The following CAPN8 variants were observed in gnomAD, a reference collection of about 807,000 sequenced individuals.
The protein encoded by CAPN8 is calpain-8.
A neutral mutation model predicts 80.9 loss-of-function variants in CAPN8; 87 were observed. The ratio of observed to expected loss-of-function variants is 1.07; its 90% confidence interval spans 0.90 to 1.28. The LOEUF is 1.28. CAPN8 is among the 50% of genes most tolerant of loss of function. CAPN8 has a pLI of 0.00. For missense variants in CAPN8, 757 were observed against 702.0 expected (o/e 1.08, Z -0.89); for synonymous variants, 299 against 273.8 (o/e 1.09, Z -0.91).
At chr1:223,658,710 G>A (rs373351350) in intron 1 of CAPN8, among the ~76,000 whole-genome samples, 3 of 152,168 alleles carry the variant, frequency 2.0e-5, no homozygotes, top group African/African-American at 7.2e-5. Flanking sequence ...GGAGGCTGAG[G>A]CATAAGAATT....
At chr1:223,612,943 A>G (rs1382073784) in intron 10 of CAPN8, among the ~76,000 whole-genome samples, 14 of 152,176 alleles carry the variant, frequency 9.2e-5, no homozygotes, top group Non-Finnish European at 1.5e-5. Context: ...GAGCTGGTAC[A>G]CTATTTTCAC....
chr1:223,639,466 C>T (rs1000961046), intron 2 of CAPN8, among the ~76,000 whole-genome samples: 4 of 152,192 alleles, frequency 2.6e-5, no homozygotes, highest in Admixed American at 1.3e-4. Flanking sequence ...GGAAGCTACA[C>T]CACTGTAAGT....
At chr1:223,611,423 T>G (rs1657027626) in intron 11 of CAPN8, among the ~76,000 whole-genome samples, 2 of 152,206 alleles carry the variant, frequency 1.3e-5, no homozygotes, top group African/African-American at 4.8e-5. Flanking sequence ...TAGAAATTTC[T>G]GCATAATCTG....
intron 2 of CAPN8, among the ~76,000 whole-genome samples, chr1:223,650,927 G>C (rs776664684): frequency 1.8e-4 from 27 of 152,204 alleles, no homozygotes; most frequent in Non-Finnish European, 3.8e-4. Context: ...AAATGCAAGG[G>C]AGAGAGACTG....
chr1:223,625,909 A>G (rs1007078106), intron 5 of CAPN8, 21 bp from the exon 6 acceptor site: 1 of 1,544,640 alleles, frequency 6.5e-7, no homozygotes. Flanking sequence ...AAGAAAGTCC[A>G]CTCAGTGGCT....
intron 2 of CAPN8, among the ~76,000 whole-genome samples, chr1:223,632,686 A>C (rs1267807599): frequency 2.0e-5 from 3 of 152,120 alleles, no homozygotes; most frequent in African/African-American, 7.2e-5. Flanking sequence ...CAATTTTTTA[A>C]TTTTCAAAAG....
At chr1:223,643,681 G>A (rs1246644196) in intron 2 of CAPN8, among the ~76,000 whole-genome samples, 1 of 152,262 alleles carries the variant, frequency 6.6e-6, no homozygotes, top group Admixed American at 6.5e-5. Context: ...GAAGCCTGGA[G>A]CACATCTACA....
intron 1 of CAPN8, among the ~76,000 whole-genome samples, chr1:223,662,364 G>A (rs368222583): frequency 6.6e-6 from 1 of 151,974 alleles, no homozygotes; most frequent in African/African-American, 2.4e-5. Flanking sequence ...CAGGAGAATC[G>A]CTTGAACTGG....
chr1:223,553,163 G>A (rs1043006232), intron 14 of CAPN8, among the ~76,000 whole-genome samples: 21 of 151,976 alleles, frequency 1.4e-4, no homozygotes, highest in Admixed American at 1.3e-4. Context: ...TAACACATTC[G>A]CTGTATTTAT....
intron 9 of CAPN8, among the ~76,000 whole-genome samples, chr1:223,616,719 G>A (rs1482441284): frequency 4.6e-5 from 7 of 152,090 alleles, no homozygotes; most frequent in African/African-American, 1.2e-4. Flanking sequence ...CACAGCCTGC[G>A]GCACCCCTGA....
At chr1:223,648,008 A>C (rs1658236502) in intron 2 of CAPN8, among the ~76,000 whole-genome samples, 1 of 151,946 alleles carries the variant, frequency 6.6e-6, no homozygotes, top group African/African-American at 2.4e-5. Context: ...GGTTCATGGA[A>C]CTCTCCACGC....
chr1:223,552,182 G>T (rs1022902135), intron 14 of CAPN8, among the ~76,000 whole-genome samples: 2 of 152,178 alleles, frequency 1.3e-5, no homozygotes, highest in African/African-American at 4.8e-5. Context: ...TACTGGAAAT[G>T]AGAGAGGCAA....
intron 20 of CAPN8, among the ~76,000 whole-genome samples, chr1:223,542,179 C>T (rs1042706170): frequency 2.6e-5 from 4 of 151,352 alleles, no homozygotes; most frequent in African/African-American, 9.8e-5. Flanking sequence ...CATATATATA[C>T]ACTATATATG....
intron 11 of CAPN8, among the ~76,000 whole-genome samples, chr1:223,610,477 T>C (rs116735277): frequency 6.6e-6 from 1 of 152,132 alleles, no homozygotes; most frequent in Non-Finnish European, 1.5e-5. Context: ...AAGGCCTACA[T>C]GTCATGAGTT....
chr1:223,633,394 T>TTA (rs367853290), intron 2 of CAPN8, among the ~76,000 whole-genome samples: 1 of 144,062 alleles, frequency 6.9e-6, no homozygotes, highest in Non-Finnish European at 1.5e-5. Flanking sequence ...AATGCTCTCT[T>TTA]AAAAAAAAAA....
chr1:223,543,210 T>G (rs1344814545), intron 19 of CAPN8, 44 bp from the exon 20 acceptor site: 33 of 1,547,240 alleles, frequency 2.1e-5, no homozygotes, highest in Non-Finnish European at 2.8e-5. Flanking sequence ...AGGCTGTTCC[T>G]GGACTTTGGA....
intron 6 of CAPN8, among the ~76,000 whole-genome samples, chr1:223,623,996 C>T (rs571557891): frequency 9.7e-6 from 1 of 103,308 alleles, no homozygotes. Context: ...AAGACTCCAC[C>T]TGAAAAAAAA....
At chr1:223,632,142 C>G (rs966283554) in intron 2 of CAPN8, among the ~76,000 whole-genome samples, 1 of 152,238 alleles carries the variant, frequency 6.6e-6, no homozygotes, top group African/African-American at 2.4e-5. Context: ...CAAGCAAGCA[C>G]AGAGGCTCGA....
Position 223,635,555 on chromosome 1 carries a change from G to A in CAPN8, c.308-6775C>T, listed in dbSNP as rs150323808. On this transcript the variant is annotated intron_variant, in intron 2 of 20. Transcript: ENST00000366872. ...CAGACCCCAGCATAAAATTCTTACT[G>A]ACTGAATTCACCTCAGTGTAATTGT... Among the ~76,000 whole-genome samples, 257 of 152,198 alleles carry A rather than the reference G, an allele frequency of 1.7e-3. 2 individuals carry two copies. Among genetic ancestry groups the A allele is most frequent in the African/African-American group, 6.1e-3 (251 of 41,484 alleles).
Sources: gnomAD v4.1 joint callset for allele counts (sites outside exome capture counted in the v4.1 genomes callset) on GRCh38, gnomAD v4.1.1 for gene constraint, MANE v1.5 for transcripts, NCBI Gene and HGNC (gene_info 2026-07-23, HGNC 2026-07-21) for gene names.